ACER2: variants seen among roughly 807,000 people sequenced by gnomAD.
ACER2 encodes alkaline ceramidase 2, also known as alkCDase 2.
ACER2 carries 26 observed loss-of-function variants against 34.7 expected under a neutral mutation model. That is an observed-to-expected ratio of 0.75 (90% confidence interval 0.55 to 1.04). The LOEUF (loss-of-function observed/expected upper bound fraction) is 1.04, where lower values mean the gene tolerates loss of function less well. ACER2 is among the 50% of genes least tolerant of loss of function. The probability of loss-of-function intolerance (pLI) is 0.00; values close to 1 mark genes in which losing one functional copy is unlikely to be tolerated. For missense variants in ACER2, 352 were observed against 340.8 expected, an observed-to-expected ratio of 1.03 and a Z score of -0.26; for synonymous variants, 138 against 132.1, an observed-to-expected ratio of 1.04 and a Z score of -0.31.
chr9:19,428,679 A>G (rs1830656924), intron 3 of ACER2, among the ~76,000 whole-genome samples: 1 of 151,726 alleles, frequency 6.6e-6, no homozygotes, highest in Non-Finnish European at 1.5e-5. Context: ...TCAGAAATAC[A>G]TGGGAAAATT....
intron 1 of ACER2, among the ~76,000 whole-genome samples, chr9:19,422,868 C>G (rs1200666607): frequency 1.3e-5 from 2 of 151,706 alleles, no homozygotes; most frequent in Non-Finnish European, 2.9e-5. Context: ...CCCGTCTCTA[C>G]TAAAAATACA....
In ACER2 at chr9:19,452,206, G is replaced by A. The variant is rs1336026517; in HGVS notation, c.*1570G>A. Among the ~76,000 whole-genome samples, 1 of 152,156 alleles carries A rather than the reference G, an allele frequency of 6.6e-6. No individual in the cohort carries two copies. The highest frequency in any genetic ancestry group is 1.9e-4 in the East Asian group (1 of 5,190). ...TCCATTGTTGGGAGAGGGCAGGACA[G>A]GTGTGTTCTTCTGTGGGCAGGAGTC... On this transcript the variant is annotated 3_prime_UTR_variant, in exon 6 of 6. Coordinates refer to ENST00000340967, the MANE Select transcript of ACER2 (RefSeq NM_001010887.3).
intron 5 of ACER2, 75 bp from the exon 6 acceptor site, chr9:19,450,375 A>G: frequency 6.9e-7 from 1 of 1,447,816 alleles, no homozygotes; most frequent in Non-Finnish European, 9.2e-7. Flanking sequence ...TTAGACCGGA[A>G]GAAGGAGCAG....
intron 5 of ACER2, 99 bp downstream of exon 5, chr9:19,446,517 G>T (rs1023602932): frequency 1.3e-5 from 21 of 1,572,884 alleles, no homozygotes; most frequent in Non-Finnish European, 1.7e-5. Flanking sequence ...TGTCCTGTGG[G>T]TTGCTGGCTT....
chr9:19,446,157 A>C, intron 4 of ACER2, 124 bp from the exon 5 acceptor site: 1 of 1,360,200 alleles, frequency 7.4e-7, no homozygotes, highest in Non-Finnish European at 1.1e-6. Context: ...TGTGTTGGGT[A>C]AGAACTTCAG....
chr9:19,451,647 A>C lies in ACER2; in HGVS notation c.*1011A>C, dbSNP rs1408883901. 1 of 152,246 alleles carries C rather than the reference A, an allele frequency of 6.6e-6. No homozygotes were observed. Among genetic ancestry groups the C allele is most frequent in the Non-Finnish European group, 1.5e-5 (1 of 68,036 alleles). 9.4% of individuals were successfully genotyped at this position (152,246 alleles called of 1,614,324 possible). On this transcript the variant is annotated 3_prime_UTR_variant, in exon 6 of 6. Transcript: ENST00000340967. The stretch of plus-strand genomic sequence containing the variant: ...CCCAGCTCAGCAGCCTCAAATCTAC[A>C]GAGAAGAAGAATTATGGCATGAACA...
intron 4 of ACER2, among the ~76,000 whole-genome samples, chr9:19,436,916 G>A (rs1390762274): frequency 6.6e-6 from 1 of 152,160 alleles, no homozygotes; most frequent in Admixed American, 6.5e-5. Flanking sequence ...TTGGCTGTCT[G>A]AAGAATCTGA....
At chr9:19,416,125 C>G (rs962280714) in intron 1 of ACER2, among the ~76,000 whole-genome samples, 1 of 151,196 alleles carries the variant, frequency 6.6e-6, no homozygotes, top group African/African-American at 2.4e-5. Flanking sequence ...TTTTAAGTTA[C>G]CTATGGTATA....
At chr9:19,432,563 T>G (rs947340072) in intron 3 of ACER2, among the ~76,000 whole-genome samples, 2 of 142,438 alleles carry the variant, frequency 1.4e-5, no homozygotes, top group Non-Finnish European at 3.1e-5. Flanking sequence ...TGTGTGTGTG[T>G]GGGTGTATGT....
chr9:19,413,107 T>C (rs1406244954), intron 1 of ACER2, among the ~76,000 whole-genome samples: 2 of 152,224 alleles, frequency 1.3e-5, no homozygotes, highest in East Asian at 3.8e-4. Flanking sequence ...CTGACAATGT[T>C]TGGGCATACA....
intron 4 of ACER2, among the ~76,000 whole-genome samples, chr9:19,442,484 A>G (rs1831186494): frequency 6.6e-6 from 1 of 152,242 alleles, no homozygotes; most frequent in Non-Finnish European, 1.5e-5. Context: ...GAAAGGTAAC[A>G]GGCTGCCCTG....
chr9:19,441,745 T>G (rs1831163785), intron 4 of ACER2, among the ~76,000 whole-genome samples: 1 of 152,186 alleles, frequency 6.6e-6, no homozygotes, highest in Non-Finnish European at 1.5e-5. Context: ...ACGGGGTCTC[T>G]TTTTTCACTG....
chr9:19,449,890 TAA>T (rs543959118), intron 5 of ACER2, among the ~76,000 whole-genome samples: 5,549 of 131,292 alleles, frequency 0.042, 363 homozygotes, highest in African/African-American at 0.15. Context: ...AGACTTCATT[TAA>T]AAAAAAAAAA....
intron 4 of ACER2, among the ~76,000 whole-genome samples, chr9:19,436,077 G>A (rs955601845): frequency 6.6e-6 from 1 of 151,118 alleles, no homozygotes; most frequent in Non-Finnish European, 1.5e-5. Flanking sequence ...AAAGAAGAAA[G>A]CCCTTCTTTT....
intron 4 of ACER2, among the ~76,000 whole-genome samples, chr9:19,436,136 C>G (rs1380860501): frequency 6.6e-6 from 1 of 150,744 alleles, no homozygotes; most frequent in Non-Finnish European, 1.5e-5. Context: ...CAGGGGTTCT[C>G]AAACTCCTGG....
chr9:19,436,194 G>C (rs2132508810), intron 4 of ACER2, among the ~76,000 whole-genome samples: 1 of 152,108 alleles, frequency 6.6e-6, no homozygotes, highest in Non-Finnish European at 1.5e-5. Flanking sequence ...TGGGATTGCA[G>C]GTGTGAGCCA....
At chr9:19,445,451 A>T (rs1056575436) in intron 4 of ACER2, among the ~76,000 whole-genome samples, 4 of 152,238 alleles carry the variant, frequency 2.6e-5, no homozygotes, top group African/African-American at 9.6e-5. Flanking sequence ...TATAATCACT[A>T]CCTAGAAAAT....
intron 4 of ACER2, among the ~76,000 whole-genome samples, chr9:19,438,191 T>C (rs1831033415): frequency 6.6e-6 from 1 of 152,248 alleles, no homozygotes; most frequent in Admixed American, 6.5e-5. Context: ...TTACTGTCCT[T>C]ATTTGAAATT....
chr9:19,432,140 G>A (rs1338386497), intron 3 of ACER2, among the ~76,000 whole-genome samples: 1 of 152,178 alleles, frequency 6.6e-6, no homozygotes, highest in Non-Finnish European at 1.5e-5. Flanking sequence ...CCACTGAGGG[G>A]TGTGAAGATA....
Sources: gnomAD v4.1 joint callset for allele counts (sites outside exome capture counted in the v4.1 genomes callset) on GRCh38, gnomAD v4.1.1 for gene constraint, MANE v1.5 for transcripts, NCBI Gene and HGNC (gene_info 2026-07-23, HGNC 2026-07-21) for gene names.